The following FRMD4A variants were observed in gnomAD, a reference collection of about 807,000 sequenced individuals.
The protein encoded by FRMD4A is FERM domain containing 4A.
FRMD4A carries 29 observed loss-of-function variants against 129.1 expected under a neutral mutation model. The observed-to-expected ratio is 0.22, with a 90% CI of 0.17 to 0.31. The LOEUF (loss-of-function observed/expected upper bound fraction) is 0.31. Among genes scored for constraint, FRMD4A ranks in the 10% least tolerant of loss-of-function variants. The pLI is 1.00. For missense variants in FRMD4A, 1,272 were observed against 1,375.8 expected, an observed-to-expected ratio of 0.92 and a Z score of 1.19; for synonymous variants, 634 against 571.6, an observed-to-expected ratio of 1.11 and a Z score of -1.56.
At chr10:13,903,367 G>A (rs944968377) in intron 2 of FRMD4A, among the ~76,000 whole-genome samples, 2 of 151,978 alleles carry the variant, frequency 1.3e-5, no homozygotes, top group African/African-American at 2.4e-5. Flanking sequence ...AGGGATTTAC[G>A]TCCATTTGGC....
intron 2 of FRMD4A, among the ~76,000 whole-genome samples, chr10:14,153,543 G>T (rs1341427529): frequency 2.0e-5 from 3 of 152,152 alleles, no homozygotes; most frequent in African/African-American, 4.8e-5. Context: ...TGCCTTTCCT[G>T]CTGTAAGATG....
intron 14 of FRMD4A, among the ~76,000 whole-genome samples, chr10:13,697,079 G>A (rs1422246473): frequency 6.6e-6 from 1 of 151,522 alleles, no homozygotes. Context: ...ACAAAAATAT[G>A]AGATCAAAAG....
chr10:13,861,760 C>T (rs886551889), intron 2 of FRMD4A, among the ~76,000 whole-genome samples: 1 of 152,222 alleles, frequency 6.6e-6, no homozygotes, highest in Non-Finnish European at 1.5e-5. Flanking sequence ...ATCAACCTTG[C>T]ACAGAGTAAG....
At chr10:14,076,811 T>C (rs1835637330) in intron 2 of FRMD4A, among the ~76,000 whole-genome samples, 1 of 152,208 alleles carries the variant, frequency 6.6e-6, no homozygotes, top group Non-Finnish European at 1.5e-5. Flanking sequence ...TCCACAGATA[T>C]TCCCTGGCCA....
intron 2 of FRMD4A, among the ~76,000 whole-genome samples, chr10:14,010,100 C>T (rs1292223740): frequency 6.7e-6 from 1 of 149,096 alleles, no homozygotes; most frequent in Non-Finnish European, 1.5e-5. Flanking sequence ...GTCATTCTTC[C>T]AGCTCAGTTT....
chr10:14,167,691 G>A (rs1415665842), intron 2 of FRMD4A, among the ~76,000 whole-genome samples: 1 of 152,118 alleles, frequency 6.6e-6, no homozygotes, highest in Non-Finnish European at 1.5e-5. Flanking sequence ...AGCATGTGAT[G>A]GACACCTAGC....
intron 2 of FRMD4A, among the ~76,000 whole-genome samples, chr10:14,186,392 C>T (rs914009043): frequency 6.6e-6 from 1 of 152,174 alleles, no homozygotes. Context: ...TTTCCCCTTT[C>T]CTTCCACCGA....
At chr10:13,931,544 G>A (rs2095194959) in intron 2 of FRMD4A, among the ~76,000 whole-genome samples, 1 of 152,146 alleles carries the variant, frequency 6.6e-6, no homozygotes, top group Admixed American at 6.5e-5. Context: ...CCAGGGCTAG[G>A]TTGGCTGCTA....
chr10:14,050,817 G>A (rs1361321766), intron 2 of FRMD4A, among the ~76,000 whole-genome samples: 1 of 152,218 alleles, frequency 6.6e-6, no homozygotes, highest in Non-Finnish European at 1.5e-5. Context: ...GGGCCTAGCA[G>A]CTCCACGCCC....
intron 14 of FRMD4A, among the ~76,000 whole-genome samples, chr10:13,697,878 C>T (rs139653786): frequency 3.0e-3 from 463 of 152,266 alleles, no homozygotes; most frequent in African/African-American, 0.01. Context: ...GTCTCTAAGA[C>T]GTTCCTTGGC....
chr10:14,097,924 A>C (rs1031503929), intron 2 of FRMD4A, among the ~76,000 whole-genome samples: 5 of 146,446 alleles, frequency 3.4e-5, no homozygotes, highest in African/African-American at 9.9e-5. Flanking sequence ...AATTATATAT[A>C]AAAATTGTAT....
intron 2 of FRMD4A, among the ~76,000 whole-genome samples, chr10:14,312,512 T>C (rs368088305): frequency 4.6e-5 from 7 of 152,220 alleles, no homozygotes; most frequent in African/African-American, 1.2e-4. Context: ...TCCTACATTA[T>C]ACACAAGCCA....
intron 2 of FRMD4A, among the ~76,000 whole-genome samples, chr10:14,195,092 C>A (rs1311450503): frequency 6.6e-6 from 1 of 152,140 alleles, no homozygotes; most frequent in African/African-American, 2.4e-5. Context: ...TCACACAGAA[C>A]AATAAGAATT....
chr10:13,743,235 G>A (rs1254462121), intron 9 of FRMD4A, among the ~76,000 whole-genome samples: 2 of 152,142 alleles, frequency 1.3e-5, no homozygotes, highest in Non-Finnish European at 1.5e-5. Context: ...GTCGTCTCCT[G>A]AAGACGATTC....
At chr10:14,289,540 C>T (rs1015470327) in intron 2 of FRMD4A, among the ~76,000 whole-genome samples, 2 of 152,068 alleles carry the variant, frequency 1.3e-5, no homozygotes, top group African/African-American at 4.8e-5. Flanking sequence ...AATCCCTTGT[C>T]AGATACATGT....
At chr10:13,963,028 G>A (rs373958350) in intron 2 of FRMD4A, among the ~76,000 whole-genome samples, 5 of 152,312 alleles carry the variant, frequency 3.3e-5, no homozygotes, top group East Asian at 3.9e-4. Context: ...TGTAAGAAGT[G>A]AGAGTTTTGC....
intron 8 of FRMD4A, among the ~76,000 whole-genome samples, chr10:13,757,806 C>T (rs938890993): frequency 1.3e-5 from 2 of 152,232 alleles, no homozygotes; most frequent in Admixed American, 6.5e-5. Flanking sequence ...TGTAATGGCA[C>T]GATCTCAGCT....
intron 5 of FRMD4A, among the ~76,000 whole-genome samples, chr10:13,791,104 G>T (rs2092990187): frequency 6.6e-6 from 1 of 152,184 alleles, no homozygotes; most frequent in Non-Finnish European, 1.5e-5. Context: ...CACAATTAAA[G>T]ATACAATTAA....
At chr10:14,184,575 T>C (rs1285714072) in intron 2 of FRMD4A, among the ~76,000 whole-genome samples, 1 of 152,138 alleles carries the variant, frequency 6.6e-6, no homozygotes, top group Non-Finnish European at 1.5e-5. Context: ...ATTTGTTTGC[T>C]CAACAAAGGC....
Sources: allele counts gnomAD v4.1 joint callset (sites outside exome capture counted in the v4.1 genomes callset), GRCh38; gene constraint gnomAD v4.1.1; transcripts MANE v1.5; gene names NCBI Gene and HGNC (gene_info 2026-07-23, HGNC 2026-07-21).